LPP: variants seen among roughly 807,000 people sequenced by gnomAD.
The protein encoded by LPP is LIM domain containing preferred translocation partner in lipoma.
A neutral mutation model predicts 60.4 loss-of-function variants in LPP; 38 were observed. That is an observed-to-expected ratio of 0.63 (90% CI 0.49 to 0.83). The LOEUF (loss-of-function observed/expected upper bound fraction) is 0.83. Ranked by LOEUF, LPP falls within the 40% of genes least tolerant of loss-of-function variation. The pLI, the probability that LPP is intolerant of heterozygous loss-of-function variation, is 0.00. For missense variants in LPP, 902 were observed against 783.6 expected (o/e 1.15, Z -1.80); for synonymous variants, 328 against 290.8 (o/e 1.13, Z -1.30).
chr3:188,427,251 G>T (rs2204108), intron 4 of LPP, among the ~76,000 whole-genome samples: 147,561 of 152,298 alleles, frequency 0.97, 71,644 homozygotes, highest in East Asian at 1. Flanking sequence ...GGTTGAAAAT[G>T]CTTTTCTTTA....
At chr3:188,656,805 C>T (rs1278005256) in intron 7 of LPP, among the ~76,000 whole-genome samples, 1 of 152,144 alleles carries the variant, frequency 6.6e-6, no homozygotes, top group Non-Finnish European at 1.5e-5. Flanking sequence ...ATTGGCATTG[C>T]ACAGCATGCC....
chr3:188,483,485 A>G (rs1805403700), intron 4 of LPP, among the ~76,000 whole-genome samples: 1 of 152,246 alleles, frequency 6.6e-6, no homozygotes, highest in African/African-American at 2.4e-5. Context: ...TCTCTTCTCC[A>G]ACACATCAAA....
At chr3:188,590,291 G>T (rs534915339) in intron 6 of LPP, among the ~76,000 whole-genome samples, 93 of 152,100 alleles carry the variant, frequency 6.1e-4, no homozygotes, top group African/African-American at 2.1e-3. Flanking sequence ...ATGTATTCTT[G>T]GCCAGGCGCT....
intron 2 of LPP, among the ~76,000 whole-genome samples, chr3:188,241,936 C>G (rs2149475224): frequency 6.6e-6 from 1 of 152,232 alleles, no homozygotes; most frequent in Non-Finnish European, 1.5e-5. Context: ...TTCCAGTGAC[C>G]TCTGCTCATT....
At chr3:188,733,497 T>G (rs1721399208) in intron 8 of LPP, among the ~76,000 whole-genome samples, 2 of 152,190 alleles carry the variant, frequency 1.3e-5, no homozygotes, top group South Asian at 4.1e-4. Flanking sequence ...AACATGGTAC[T>G]CTCTCTCTTT....
intron 4 of LPP, among the ~76,000 whole-genome samples, chr3:188,476,001 C>T (rs1490053556): frequency 6.6e-6 from 1 of 152,154 alleles, no homozygotes; most frequent in Admixed American, 6.5e-5. Context: ...TTAAGTCTTT[C>T]CCCAAATATC....
chr3:188,250,738 CTT>C (rs1214494549), intron 2 of LPP, among the ~76,000 whole-genome samples: 1 of 94,194 alleles, frequency 1.1e-5, no homozygotes. Flanking sequence ...TTCTTTCTTT[CTT>C]TCTTTCTTTC....
Position 188,765,450 on chromosome 3 carries a change from T to C in LPP, c.1410+5168T>C, listed in dbSNP as rs1733727186. Among the ~76,000 whole-genome samples the C allele has an allele frequency of 2.0e-5, 3 of 152,188 alleles. No individual in the cohort carries two copies. In the South Asian group the frequency reaches 6.2e-4, roughly 31 times the overall value. On this transcript the variant is annotated intron_variant, in intron 9 of 11. Transcript: ENST00000617246. ...CACTCTCTTGGGAAGTTAAGCATGT[T>C]ACCCACTGGGAATAGTTATCTCTTC...
chr3:188,746,266 A>G (rs904689667), intron 8 of LPP, among the ~76,000 whole-genome samples: 2 of 152,060 alleles, frequency 1.3e-5, no homozygotes, highest in African/African-American at 2.4e-5. Context: ...AATCATTTGT[A>G]CCATTCTCTC....
chr3:188,541,122 T>A (rs749715109), intron 6 of LPP, among the ~76,000 whole-genome samples: 1 of 152,210 alleles, frequency 6.6e-6, no homozygotes, highest in Non-Finnish European at 1.5e-5. Flanking sequence ...ACTAACCCTA[T>A]CATTGGCCTA....
intron 4 of LPP, among the ~76,000 whole-genome samples, chr3:188,440,063 G>C (rs1697457531): frequency 6.6e-6 from 1 of 152,132 alleles, no homozygotes; most frequent in African/African-American, 2.4e-5. Flanking sequence ...CAAAATTTTT[G>C]TTCATGTCCT....
chr3:188,757,857 T>C (rs1473152312), intron 8 of LPP, among the ~76,000 whole-genome samples: 3 of 150,938 alleles, frequency 2.0e-5, no homozygotes, highest in Admixed American at 2.0e-4. Context: ...TTTTCAAACA[T>C]AGCACATTTT....
intron 8 of LPP, among the ~76,000 whole-genome samples, chr3:188,734,184 C>G (rs1303458274): frequency 6.6e-6 from 1 of 152,140 alleles, no homozygotes; most frequent in African/African-American, 2.4e-5. Flanking sequence ...AATGCCTCTC[C>G]TTGACTTTAT....
intron 9 of LPP, among the ~76,000 whole-genome samples, chr3:188,865,438 T>A (rs1208050918): frequency 6.6e-6 from 1 of 152,324 alleles, no homozygotes; most frequent in East Asian, 1.9e-4. Flanking sequence ...AGAAGCCTAA[T>A]TGATTATGCT....
At chr3:188,349,073 T>A (rs373099529) in intron 3 of LPP, among the ~76,000 whole-genome samples, 1 of 152,194 alleles carries the variant, frequency 6.6e-6, no homozygotes, top group African/African-American at 2.4e-5. Context: ...TAAACCACGA[T>A]GTCTCAGTCA....
Position 188,659,810 on chromosome 3 carries a change from G to GCACACACACACACACA in LPP, c.1114-48442_1114-48427dup, listed in dbSNP as rs139762080. On this transcript the variant is annotated intron_variant, in intron 7 of 11. Transcript: ENST00000617246. ...TTCTCCTTGTGGGGTTAGATCCTAT[G>GCACACACACACACACA]CACACACACACACACACACACACAC... Among the ~76,000 whole-genome samples, 38 of 128,590 alleles carry GCACACACACACACACA rather than the reference G, an allele frequency of 3.0e-4. 1 individual carries two copies. Among genetic ancestry groups the GCACACACACACACACA allele is most frequent in the African/African-American group, 9.8e-4 (37 of 37,784 alleles). The allele number at this position is 128,590 out of a possible 152,430, so 84.4% of individuals were successfully genotyped here.
intron 7 of LPP, among the ~76,000 whole-genome samples, chr3:188,646,609 T>TG (rs1201803993): frequency 6.6e-6 from 1 of 152,160 alleles, no homozygotes; most frequent in East Asian, 1.9e-4. Context: ...TGGTATTTTG[T>TG]GGGGCACAAC....
At chr3:188,577,744 T>C (rs113772799) in intron 6 of LPP, among the ~76,000 whole-genome samples, 1,042 of 41,440 alleles carry the variant, frequency 0.025, 14 homozygotes, top group African/African-American at 0.047. Flanking sequence ...TTCCTTCCTT[T>C]GTTCCTTCGT....
chr3:188,540,363 A>G (rs1444192541), intron 6 of LPP, among the ~76,000 whole-genome samples: 3 of 152,350 alleles, frequency 2.0e-5, no homozygotes, highest in Non-Finnish European at 4.4e-5. Flanking sequence ...AGTTGATGAT[A>G]TACAACCCAA....
Sources: gnomAD v4.1 joint callset for allele counts (sites outside exome capture counted in the v4.1 genomes callset) on GRCh38, gnomAD v4.1.1 for gene constraint, MANE v1.5 for transcripts, NCBI Gene and HGNC (gene_info 2026-07-23, HGNC 2026-07-21) for gene names.